SIL1: variants seen among roughly 807,000 people sequenced by gnomAD.
SIL1 encodes the protein nucleotide exchange factor SIL1.
SIL1 carries 40 observed loss-of-function variants against 49.1 expected under a neutral mutation model. The ratio of observed to expected loss-of-function variants is 0.81; its 90% CI spans 0.63 to 1.06. The LOEUF (loss-of-function observed/expected upper bound fraction) is 1.06, where lower values mean the gene tolerates loss of function less well. Among genes scored for constraint, SIL1 ranks in the 50% least tolerant of loss-of-function variants. The pLI, the probability that SIL1 is intolerant of heterozygous loss-of-function variation, is 0.00. For missense variants in SIL1, 500 were observed against 572.6 expected (o/e 0.87, Z 1.29); for synonymous variants, 253 against 250.8 (o/e 1.01, Z -0.08).
chr5:138,998,201 G>C (rs1280174565), intron 7 of SIL1, among the ~76,000 whole-genome samples: 1 of 151,992 alleles, frequency 6.6e-6, no homozygotes, highest in Non-Finnish European at 1.5e-5. Context: ...TTATTTTGAG[G>C]CAGGGTCTCA....
chr5:139,108,233 G>A (rs1485584870), intron 3 of SIL1: 1 of 152,156 alleles, frequency 6.6e-6, no homozygotes, highest in Admixed American at 6.5e-5. Context: ...GTAAAGAAAA[G>A]GCCATTGTTC....
chr5:138,955,733 A>G (rs191013645), intron 7 of SIL1, among the ~76,000 whole-genome samples: 1 of 152,330 alleles, frequency 6.6e-6, no homozygotes, highest in Non-Finnish European at 1.5e-5. Flanking sequence ...TTTGTTCAAG[A>G]ATTATCAGAA....
intron 3 of SIL1, among the ~76,000 whole-genome samples, chr5:139,056,911 T>C (rs1165348260): frequency 6.6e-6 from 1 of 151,958 alleles, no homozygotes. Flanking sequence ...AGAAATCGGA[T>C]GGTTGCCGTG....
At chr5:139,018,284 C>T (rs1454361210) in intron 7 of SIL1, among the ~76,000 whole-genome samples, 1 of 152,044 alleles carries the variant, frequency 6.6e-6, no homozygotes, top group Non-Finnish European at 1.5e-5. Context: ...AATAAATGCC[C>T]TCAATGAAGC....
At chr5:138,969,485 A>T (rs1767225324) in intron 7 of SIL1, among the ~76,000 whole-genome samples, 1 of 152,162 alleles carries the variant, frequency 6.6e-6, no homozygotes. Flanking sequence ...GGTATCAGAG[A>T]TGGCTGTTTG....
intron 7 of SIL1, among the ~76,000 whole-genome samples, chr5:138,997,490 T>G (rs1767895952): frequency 6.6e-6 from 1 of 152,174 alleles, no homozygotes; most frequent in South Asian, 2.1e-4. Flanking sequence ...CCATTGGTCT[T>G]TGTGTCTGGG....
chr5:139,004,908 A>C (rs890028399), intron 7 of SIL1, among the ~76,000 whole-genome samples: 1 of 152,232 alleles, frequency 6.6e-6, no homozygotes, highest in East Asian at 1.9e-4. Context: ...AAAAAAATTT[A>C]TCTCATAAAA....
At position 139,077,425 on chromosome 5, in the gene SIL1, T is replaced by G. The variant is rs1769977028; in HGVS notation, c.245-26379A>C. Among the ~76,000 whole-genome samples, 3 of 152,218 alleles carry G rather than the reference T, an allele frequency of 2.0e-5. No individual in the cohort carries two copies. The South Asian group carries it at 6.2e-4, about 32-fold the overall frequency. On this transcript the variant is annotated intron_variant, in intron 3 of 9. Transcript: ENST00000394817. Reference sequence around the variant, plus strand: ...AACCCAAGCCAAGATTTTCTTGTTATTTTACATTTTTAGACACTTTACAGT... The same window carrying G: ...AACCCAAGCCAAGATTTTCTTGTTAGTTTACATTTTTAGACACTTTACAGT...
At chr5:139,191,335 A>G (rs932496996) in intron 1 of SIL1, among the ~76,000 whole-genome samples, 1 of 152,094 alleles carries the variant, frequency 6.6e-6, no homozygotes, top group Non-Finnish European at 1.5e-5. Context: ...AGCATGGCCA[A>G]TCAATGTTGT....
Position 138,947,255 on chromosome 5 carries a change from G to A in SIL1, c.1248C>T (p.Pro416=). 6.2e-7 allele frequency: 1 copy of A among 1,613,574 alleles called. No individual in the cohort carries two copies. Among genetic ancestry groups the A allele is most frequent in the Non-Finnish European group, 8.5e-7 (1 of 1,180,010 alleles). Reference sequence around the variant, plus strand: ...GGCTGGCCAGTGTCCTGCCGAGCTGGGGGTCCTGACGGTAGCGGTCCCGGC... The same window carrying A: ...GGCTGGCCAGTGTCCTGCCGAGCTGAGGGTCCTGACGGTAGCGGTCCCGGC... The part of the protein sequence containing the change: ...TTCRDRYRQD[P]QLGRTLASLQ... Residue 416 remains proline, a synonymous_variant, in exon 10 of 10, where the codon CCC becomes CCT. Coordinates refer to ENST00000394817, the MANE Select transcript of SIL1 (RefSeq NM_022464.5). The surrounding 1 kb of genome is among the most constrained non-coding windows in gnomAD (Gnocchi z 4.1).
chr5:138,951,951 G>C (rs556970728), intron 7 of SIL1, 67 bp from the exon 8 acceptor site: 672 of 1,391,238 alleles, frequency 4.8e-4, no homozygotes, highest in Admixed American at 8.7e-4. Flanking sequence ...TCAGGGAACT[G>C]AGCCCATGTC....
intron 3 of SIL1, among the ~76,000 whole-genome samples, chr5:139,111,964 C>T (rs1337472611): frequency 6.6e-6 from 1 of 152,242 alleles, no homozygotes; most frequent in African/African-American, 2.4e-5. Flanking sequence ...CCTGCCTCAG[C>T]CTGCCGAGCG....
intron 3 of SIL1, among the ~76,000 whole-genome samples, chr5:139,074,498 G>A (rs1401053017): frequency 6.6e-6 from 1 of 152,196 alleles, no homozygotes; most frequent in African/African-American, 2.4e-5. Flanking sequence ...GCTAGGGTTA[G>A]GCTTTACAAG....
chr5:138,952,254 G>A (rs769218226), intron 7 of SIL1, among the ~76,000 whole-genome samples: 1 of 152,244 alleles, frequency 6.6e-6, no homozygotes, highest in African/African-American at 2.4e-5. Context: ...AGCCAGTGCC[G>A]GATGTTCCTT....
intron 9 of SIL1, among the ~76,000 whole-genome samples, chr5:138,950,881 CCA>C (rs1276073158): frequency 6.6e-6 from 1 of 152,220 alleles, no homozygotes; most frequent in Non-Finnish European, 1.5e-5. Flanking sequence ...CTCGGCTGCT[CCA>C]AGGCTTGCCT....
At chr5:138,949,924 A>G (rs752269518) in intron 9 of SIL1, among the ~76,000 whole-genome samples, 2 of 152,218 alleles carry the variant, frequency 1.3e-5, no homozygotes. Flanking sequence ...GCTGAAATTT[A>G]TCTGCTGTCC....
intron 1 of SIL1, chr5:139,187,894 C>A (rs1752103513): frequency 6.6e-6 from 1 of 152,154 alleles, no homozygotes; most frequent in African/African-American, 2.4e-5. Flanking sequence ...GCTGTTTTCA[C>A]AAAAGTGAGT....
chr5:138,957,415 A>T (rs890158704), intron 7 of SIL1, among the ~76,000 whole-genome samples: 344 of 103,454 alleles, frequency 3.3e-3, no homozygotes, highest in Middle Eastern at 0.017. Flanking sequence ...CTGCAAAAGT[A>T]AAAAAAAAAA....
intron 7 of SIL1, among the ~76,000 whole-genome samples, chr5:138,968,936 C>T (rs1294934520): frequency 6.6e-6 from 1 of 152,120 alleles, no homozygotes. Flanking sequence ...CTTCTCTCCC[C>T]ATCTCCCTGC....
Sources: allele counts gnomAD v4.1 joint callset (sites outside exome capture counted in the v4.1 genomes callset), GRCh38; gene constraint gnomAD v4.1.1; non-coding constraint Gnocchi (gnomAD v3.1); transcripts MANE v1.5; gene names NCBI Gene and HGNC (gene_info 2026-07-23, HGNC 2026-07-21).